CORO1C: variants seen among roughly 807,000 people sequenced by gnomAD.
CORO1C encodes the protein coronin 1C, also known as coronin-1C.
In CORO1C, 14 loss-of-function variants were observed where a neutral mutation model predicts 51.2. That is an observed-to-expected ratio of 0.27 (90% CI 0.18 to 0.43). The LOEUF (loss-of-function observed/expected upper bound fraction) is 0.43. Among genes scored for constraint, CORO1C ranks in the 20% least tolerant of loss-of-function variants. The pLI, the probability that CORO1C is intolerant of heterozygous loss-of-function variation, is 1.00. For synonymous variants in CORO1C, 181 were observed against 210.5 expected (o/e 0.86, Z 1.21); for missense variants, 417 against 607.8 (o/e 0.69, Z 3.30).
In CORO1C at chr12:108,648,664, C is replaced by T; in HGVS notation, c.1246G>A (p.Ala416Thr). 1 of 1,614,236 alleles carries T rather than the reference C, an allele frequency of 6.2e-7. No individual in the cohort carries two copies. The highest frequency in any genetic ancestry group is 8.5e-7 in the Non-Finnish European group (1 of 1,180,042). Residue 416 changes from alanine to threonine, a missense_variant, in exon 10 of 11, where the codon GCA (alanine) becomes ACA (threonine). Coordinates refer to ENST00000261401, the MANE Select transcript of CORO1C (RefSeq NM_014325.4). Reference sequence around the variant, plus strand: ...CTGATCAGGTCGCACTTCTTGTTTGCAGTGGGCTTGCTATCCAGAATGTTC... The same window carrying T: ...CTGATCAGGTCGCACTTCTTGTTTGTAGTGGGCTTGCTATCCAGAATGTTC... ...KKNILDSKPT[A>T]NKKCDLISIP... is the part of the protein sequence containing the mutation.
At position 108,665,673 on chromosome 12, in the gene CORO1C, A is replaced by G. The variant is rs117333979; in HGVS notation, c.319-3515T>C. Among the ~76,000 whole-genome samples the G allele has an allele frequency of 6.2e-3, 945 of 152,314 alleles. 6 individuals are homozygous for G. Among genetic ancestry groups the G allele is most frequent in the Non-Finnish European group, 9.9e-3 (676 of 68,020 alleles). The stretch of plus-strand genomic sequence containing the variant: ...CTGCATAGAGAAAACATTAGTACCT[A>G]TGCCTGCGAGGTGTGCTAAGAGAAT... On this transcript the variant is annotated intron_variant, in intron 3 of 10. Coordinates refer to ENST00000261401, the MANE Select transcript of CORO1C (RefSeq NM_014325.4).
At chr12:108,675,287 G>A (rs1438513890) in intron 3 of CORO1C, among the ~76,000 whole-genome samples, 1 of 152,174 alleles carries the variant, frequency 6.6e-6, no homozygotes, top group Non-Finnish European at 1.5e-5. Context: ...TGTCCAAAGT[G>A]AGCCTGAAAC....
At chr12:108,703,332 G>A (rs2034932862) in intron 1 of CORO1C, among the ~76,000 whole-genome samples, 1 of 152,156 alleles carries the variant, frequency 6.6e-6, no homozygotes, top group Non-Finnish European at 1.5e-5. Context: ...CAAAGGATAT[G>A]AAGAATTTAC....
chr12:108,689,846 G>A (rs1351766116), intron 2 of CORO1C, among the ~76,000 whole-genome samples: 2 of 152,176 alleles, frequency 1.3e-5, no homozygotes, highest in African/African-American at 4.8e-5. Context: ...GATACATACT[G>A]AGAATTCTTC....
chr12:108,655,517 T>C (rs998089917), intron 6 of CORO1C, among the ~76,000 whole-genome samples: 2 of 152,172 alleles, frequency 1.3e-5, no homozygotes, highest in Non-Finnish European at 2.9e-5. Context: ...GTGCCTGCGA[T>C]TGCAAGCGCG....
chr12:108,652,982 A>C (rs1292018562), intron 7 of CORO1C: 1 of 152,898 alleles, frequency 6.5e-6, no homozygotes, highest in Non-Finnish European at 1.5e-5. Flanking sequence ...GATATCTTTG[A>C]GTACTGAAGC....
intron 2 of CORO1C, among the ~76,000 whole-genome samples, chr12:108,679,121 A>AG (rs1016186583): frequency 6.7e-6 from 1 of 148,930 alleles, no homozygotes; most frequent in African/African-American, 2.4e-5. Context: ...AAAAAAAAAA[A>AG]AAAAAAAAGA....
chr12:108,666,397 G>T (rs1045734664), intron 3 of CORO1C, among the ~76,000 whole-genome samples: 1 of 152,184 alleles, frequency 6.6e-6, no homozygotes, highest in African/African-American at 2.4e-5. Flanking sequence ...AGAGGGGGTG[G>T]TGTTCTCTAC....
chr12:108,689,582 C>G (rs1467456886), intron 2 of CORO1C, among the ~76,000 whole-genome samples: 1 of 152,214 alleles, frequency 6.6e-6, no homozygotes, highest in Non-Finnish European at 1.5e-5. Context: ...ATCTCCTGAT[C>G]TGCAGTCCTC....
intron 1 of CORO1C, among the ~76,000 whole-genome samples, chr12:108,724,907 A>G (rs893351744): frequency 6.6e-6 from 1 of 152,174 alleles, no homozygotes; most frequent in African/African-American, 2.4e-5. Context: ...GCCTAATTTA[A>G]CATACCATAA....
intron 5 of CORO1C, 141 bp from the exon 6 acceptor site, chr12:108,657,564 C>T: frequency 1.3e-6 from 1 of 792,064 alleles, no homozygotes; most frequent in Non-Finnish European, 2.0e-6. Context: ...TAACCATCCC[C>T]CTTCCCCAGA....
At chr12:108,712,306 C>T (rs950155411) in intron 1 of CORO1C, among the ~76,000 whole-genome samples, 1 of 152,174 alleles carries the variant, frequency 6.6e-6, no homozygotes, top group East Asian at 1.9e-4. Flanking sequence ...GGCAGGGCGG[C>T]TCACACCTGT....
chr12:108,709,380 C>T (rs758193447), intron 1 of CORO1C, among the ~76,000 whole-genome samples: 1 of 152,044 alleles, frequency 6.6e-6, no homozygotes, highest in African/African-American at 2.4e-5. Flanking sequence ...ATAAAAGAAC[C>T]GGCACCACTT....
At chr12:108,721,405 C>T (rs1307682612) in intron 1 of CORO1C, among the ~76,000 whole-genome samples, 1 of 152,198 alleles carries the variant, frequency 6.6e-6, no homozygotes, top group Non-Finnish European at 1.5e-5. Context: ...GACTCTCCAA[C>T]GCCTGTCTCC....
At chr12:108,647,557 T>C (rs1433175486) in intron 10 of CORO1C, 35 bp from the exon 11 acceptor site, 3 of 1,533,946 alleles carry the variant, frequency 2.0e-6, no homozygotes, top group South Asian at 2.3e-5. Context: ...GTGATTAAAA[T>C]GCAGTAAACA....
intron 2 of CORO1C, among the ~76,000 whole-genome samples, chr12:108,687,699 C>T (rs953349277): frequency 6.6e-6 from 1 of 151,636 alleles, no homozygotes; most frequent in African/African-American, 2.4e-5. Context: ...GCACGAGAAT[C>T]GCTTGAACCT....
chr12:108,685,746 C>T (rs2034271777), intron 2 of CORO1C, among the ~76,000 whole-genome samples: 1 of 152,126 alleles, frequency 6.6e-6, no homozygotes, highest in South Asian at 2.1e-4. Flanking sequence ...TTAAATAAAA[C>T]AGAGAAAGTA....
intron 1 of CORO1C, among the ~76,000 whole-genome samples, chr12:108,726,530 C>G (rs1436121119): frequency 1.3e-5 from 2 of 151,676 alleles, no homozygotes; most frequent in African/African-American, 4.9e-5. Flanking sequence ...AATGAAGAGG[C>G]TGGGCATGGT....
chr12:108,656,927 C>T (rs1200669970), intron 6 of CORO1C, among the ~76,000 whole-genome samples: 1 of 152,178 alleles, frequency 6.6e-6, no homozygotes, highest in Non-Finnish European at 1.5e-5. Flanking sequence ...GCCGCAGGGT[C>T]CTCTCCCTAG....
Sources: gnomAD v4.1 joint callset for allele counts (sites outside exome capture counted in the v4.1 genomes callset) on GRCh38, gnomAD v4.1.1 for gene constraint, MANE v1.5 for transcripts, NCBI Gene and HGNC (gene_info 2026-07-23, HGNC 2026-07-21) for gene names.